SHOC2: variants seen among roughly 807,000 people sequenced by gnomAD.
The protein encoded by SHOC2 is SHOC2 leucine rich repeat scaffold protein, also known as leucine-rich repeat protein SHOC-2.
SHOC2 carries 4 observed loss-of-function variants against 50.2 expected under a neutral mutation model. That is an observed-to-expected ratio of 0.08 (90% CI 0.04 to 0.18). SHOC2 has a LOEUF of 0.18. SHOC2 is among the 10% of genes least tolerant of loss of function. The probability of loss-of-function intolerance (pLI) is 1.00; values close to 1 mark genes in which losing one functional copy is unlikely to be tolerated. For missense variants in SHOC2, 388 were observed against 669.6 expected, an observed-to-expected ratio of 0.58 and a Z score of 4.64; for synonymous variants, 218 against 244.5, an observed-to-expected ratio of 0.89 and a Z score of 1.01.
chr10:110,950,637 T>G (rs1486664457), intron 1 of SHOC2, among the ~76,000 whole-genome samples: 1 of 152,098 alleles, frequency 6.6e-6, no homozygotes, highest in Admixed American at 6.6e-5. Context: ...ACAAACCTAG[T>G]AATCCAAACA....
intron 1 of SHOC2, among the ~76,000 whole-genome samples, chr10:110,944,619 T>C (rs1371134096): frequency 6.6e-6 from 1 of 152,238 alleles, no homozygotes; most frequent in African/African-American, 2.4e-5. Flanking sequence ...TAGTGGAGAC[T>C]TATAATAAAA....
At chr10:110,943,632 C>T (rs1847193434) in intron 1 of SHOC2, among the ~76,000 whole-genome samples, 1 of 152,174 alleles carries the variant, frequency 6.6e-6, no homozygotes, top group Non-Finnish European at 1.5e-5. Context: ...TCTTCAACTC[C>T]AGGGCGTGAT....
At chr10:110,992,361 A>C (rs1848200289) in intron 3 of SHOC2, among the ~76,000 whole-genome samples, 1 of 152,198 alleles carries the variant, frequency 6.6e-6, no homozygotes, top group African/African-American at 2.4e-5. Flanking sequence ...ATTTTATATG[A>C]ATATTTTCTC....
chr10:110,943,469 C>T (rs1847189974), intron 1 of SHOC2, among the ~76,000 whole-genome samples: 1 of 152,132 alleles, frequency 6.6e-6, no homozygotes, highest in East Asian at 1.9e-4. Context: ...GAGACATTGT[C>T]CTTATACCTT....
chr10:110,999,460 G>C (rs561689176), intron 3 of SHOC2, among the ~76,000 whole-genome samples: 2 of 152,056 alleles, frequency 1.3e-5, no homozygotes, highest in Middle Eastern at 6.8e-3. Flanking sequence ...ATGCTCAGCT[G>C]GGCGCAGTGG....
At chr10:110,957,274 T>G (rs1440799733) in intron 1 of SHOC2, among the ~76,000 whole-genome samples, 1 of 152,218 alleles carries the variant, frequency 6.6e-6, no homozygotes, top group Non-Finnish European at 1.5e-5. Context: ...TTTCAGCAAC[T>G]CAGTGACTCC....
Position 110,964,648 on chromosome 10 carries a change from G to C in SHOC2, c.290G>C (p.Cys97Ser). The change falls in exon 2 of 9, where the codon TGC becomes TCC. Residue 97 changes from cysteine (C) to serine (S), a missense_variant. Physicochemically the swap from Cys to Ser is moderately radical, Grantham distance 112. Around this residue, in one of 5 missense-constraint regions of SHOC2, gnomAD observed 121 missense variants for 145.5 expected, o/e 0.83. Coordinates refer to ENST00000369452, the MANE Select transcript of SHOC2 (RefSeq NM_007373.4). The surrounding 1 kb of genome is among the most constrained non-coding windows in gnomAD (Gnocchi z 4.9). ...GAGGTGATTAAAGAGCTCAACAAAT[G>C]CCGGGAAGAGAATTCAATGCGTTTG... ...NAEVIKELNK[C>S]REENSMRLDL... The C allele has an allele frequency of 6.2e-7, 1 of 1,614,066 alleles. No individual in the cohort carries two copies. The highest frequency in any genetic ancestry group is 8.5e-7 in the Non-Finnish European group (1 of 1,179,956).
intron 4 of SHOC2, among the ~76,000 whole-genome samples, chr10:111,001,111 T>G (rs2134169411): frequency 6.6e-6 from 1 of 150,784 alleles, no homozygotes; most frequent in African/African-American, 2.4e-5. Context: ...ATTAGAAAAA[T>G]ATTTTCACTT....
intron 2 of SHOC2, among the ~76,000 whole-genome samples, chr10:110,980,854 CTTG>C (rs1414743115): frequency 6.6e-6 from 1 of 151,552 alleles, no homozygotes; most frequent in African/African-American, 2.4e-5. Flanking sequence ...TATGTGTTTT[CTTG>C]TTGTTGTTTA....
intron 1 of SHOC2, among the ~76,000 whole-genome samples, chr10:110,920,951 TG>T (rs1564698401): frequency 6.6e-6 from 1 of 152,198 alleles, no homozygotes; most frequent in Non-Finnish European, 1.5e-5. Flanking sequence ...AAAAGCTTTT[TG>T]TTACGGTTTT....
chr10:110,943,901 A>T (rs1391541298), intron 1 of SHOC2, among the ~76,000 whole-genome samples: 1 of 152,184 alleles, frequency 6.6e-6, no homozygotes, highest in Non-Finnish European at 1.5e-5. Flanking sequence ...CTTCTTGGCA[A>T]CCCAGAATCT....
At chr10:111,009,446 A>G (rs1564731365) in intron 7 of SHOC2, 61 bp downstream of exon 7, 2 of 1,373,658 alleles carry the variant, frequency 1.5e-6, no homozygotes, top group African/African-American at 1.4e-5. Context: ...CAAATTCCAC[A>G]TTTCTCTTAA....
rs1564705752 is a variant in SHOC2, at chr10:110,940,910, G to GGTTTTTT, written c.-235+21253_-235+21254insGTTTTTT. Among the ~76,000 whole-genome samples the GGTTTTTT allele has an allele frequency of 8.4e-5, 10 of 119,504 alleles. 4 individuals are homozygous for GGTTTTTT. Among genetic ancestry groups the GGTTTTTT allele is most frequent in the African/African-American group, 1.9e-4 (6 of 31,418 alleles). The allele number at this position is 119,504 out of a possible 152,430, so 78.4% of individuals were successfully genotyped here. ...GACAAAATAGTGGTATTTGTGGTGG[G>GGTTTTTT]TTTTTTTTTTTTTTTTTTTTTTTTT... On this transcript the variant is annotated intron_variant, in intron 1 of 8. Coordinates refer to ENST00000369452, the MANE Select transcript of SHOC2 (RefSeq NM_007373.4).
intron 1 of SHOC2, among the ~76,000 whole-genome samples, chr10:110,931,252 G>A (rs182281983): frequency 9.0e-4 from 137 of 152,288 alleles, no homozygotes; most frequent in African/African-American, 3.1e-3. Context: ...ATGGACAAGT[G>A]TAGAACATTT....
intron 2 of SHOC2, among the ~76,000 whole-genome samples, chr10:110,981,709 T>A (rs1490190197): frequency 6.6e-6 from 1 of 152,186 alleles, no homozygotes; most frequent in Non-Finnish European, 1.5e-5. Flanking sequence ...ATGATCTTAC[T>A]TCTTTAGACT....
chr10:110,979,331 G>A (rs996040335), intron 2 of SHOC2, among the ~76,000 whole-genome samples: 3 of 152,246 alleles, frequency 2.0e-5, no homozygotes, highest in African/African-American at 7.2e-5. Context: ...CAAGGTGGAA[G>A]TCAGAATCTT....
chr10:110,919,926 G>T (rs1846583095), intron 1 of SHOC2: 2 of 262,578 alleles, frequency 7.6e-6, no homozygotes, highest in South Asian at 1.5e-4. Flanking sequence ...AGAGGAAGGC[G>T]GTCGGGTGTG....
chr10:110,953,873 T>A (rs1368222661), intron 1 of SHOC2, among the ~76,000 whole-genome samples: 1 of 151,418 alleles, frequency 6.6e-6, no homozygotes, highest in African/African-American at 2.4e-5. Flanking sequence ...TCTTCTATAG[T>A]ATAAAAAGGA....
intron 3 of SHOC2, among the ~76,000 whole-genome samples, chr10:110,999,789 T>A (rs1848336210): frequency 6.6e-6 from 1 of 151,170 alleles, no homozygotes; most frequent in Admixed American, 6.6e-5. Flanking sequence ...TGCTCTTCTG[T>A]TTATTTATTC....
Sources: allele counts gnomAD v4.1 joint callset (sites outside exome capture counted in the v4.1 genomes callset), GRCh38; gene constraint gnomAD v4.1.1; regional missense constraint gnomAD v4.1.1; non-coding constraint Gnocchi (gnomAD v3.1); transcripts MANE v1.5; gene names NCBI Gene and HGNC (gene_info 2026-07-23, HGNC 2026-07-21).